The following SLC49A3 variants were observed in gnomAD, a reference collection of about 807,000 sequenced individuals.
The protein encoded by SLC49A3 is solute carrier family 49 member 3.
Under a neutral mutation model 43.8 loss-of-function variants are expected in SLC49A3, and 50 were observed. The observed-to-expected ratio is 1.14, with a 90% CI of 0.91 to 1.45. The LOEUF is 1.45. Among genes scored for constraint, SLC49A3 ranks in the 40% most tolerant of loss-of-function variants. The probability of loss-of-function intolerance (pLI) is 0.00; values close to 1 mark genes in which losing one functional copy is unlikely to be tolerated. For synonymous variants in SLC49A3, 413 were observed against 352.0 expected (o/e 1.17, Z -1.94); for missense variants, 906 against 774.1 (o/e 1.17, Z -2.02).
intron 6 of SLC49A3, among the ~76,000 whole-genome samples, chr4:684,242 C>T (rs1385014905): frequency 3.3e-5 from 5 of 152,164 alleles, no homozygotes; most frequent in Non-Finnish European, 7.4e-5. Flanking sequence ...ATCCACAGGG[C>T]ACCGTCAGTC....
downstream of SLC49A3, chr4:680,538 G>A (rs571127151): frequency 2.2e-5 from 36 of 1,613,564 alleles, no homozygotes; most frequent in South Asian, 3.1e-4. Flanking sequence ...CATTCTTAAC[G>A]CCTTCAAGAT....
rs1577358049 is a variant in SLC49A3 at position 684,477 on chromosome 4, G to A, written c.840+6C>T. The A allele has an allele frequency of 1.2e-6, 2 of 1,612,650 alleles. No homozygotes were observed. Among genetic ancestry groups the A allele is most frequent in the Non-Finnish European group, 1.7e-6 (2 of 1,179,802 alleles). ...GCAGGGTCCCCAGGGGTGGGGCCAG[G>A]CTCACACTGGAGTGGCCGCTTGCAC... On this transcript the variant is annotated splice_donor_region_variant and intron_variant, in intron 6 of 9. Transcript: ENST00000322224.
chr4:677,935 G>A (rs1475722691), downstream of SLC49A3: 7 of 1,607,704 alleles, frequency 4.4e-6, no homozygotes, highest in African/African-American at 9.4e-5. Context: ...GTGGCAGCCG[G>A]AGTCTGAACT....
At chr4:680,562 G>A (rs756236530), downstream of SLC49A3, 13 of 1,613,240 alleles carry the variant, frequency 8.1e-6, no homozygotes, top group East Asian at 2.2e-5. Flanking sequence ...GGACCCGGAC[G>A]GGAAAGGGAA....
rs555192485 is a variant in SLC49A3, at chr4:681,901, G to T, written c.*57C>A. ...TTCGCCCCCGCCCGCAGGTGGACCA[G>T]ATGTTCCAGTTCGCCTCCATCGATG... On this transcript the variant is annotated 3_prime_UTR_variant, in exon 10 of 10. Coordinates refer to ENST00000322224, the MANE Select transcript of SLC49A3 (RefSeq NM_032219.4). 5.3e-6 allele frequency: 7 copies of T among 1,316,930 alleles called. 1 individual carries two copies. Among genetic ancestry groups the T allele is most frequent in the Non-Finnish European group, 6.8e-6 (7 of 1,023,328 alleles). The allele number at this position is 1,316,930 out of a possible 1,614,324, so 81.6% of individuals were successfully genotyped here. A position where few individuals can be genotyped will look rare whatever the true frequency, so the allele number is the denominator to read the frequency against.
In SLC49A3 at chr4:685,762, G is replaced by T; in HGVS notation, c.585+73C>A. 1 of 1,499,712 alleles carries T rather than the reference G, an allele frequency of 6.7e-7. No homozygotes were observed. The highest frequency in any genetic ancestry group is 9.3e-7 in the Non-Finnish European group (1 of 1,080,352). The allele number at this position is 1,499,712 out of a possible 1,614,324, so 92.9% of individuals were successfully genotyped here. On this transcript the variant is annotated intron_variant, in intron 4 of 9. Transcript: ENST00000322224. This position sits in a 1 kb window ranked among gnomAD's most constrained non-coding sequence, Gnocchi z 4.3. The stretch of plus-strand genomic sequence containing the variant: ...CGGGCACAGGAACACGGACACACTT[G>T]GGATCAGGAACACACAGACGTGCAT...
downstream of SLC49A3, chr4:679,307 ACT>A (rs1314681637): frequency 2.4e-5 from 9 of 377,972 alleles, no homozygotes; most frequent in African/African-American, 1.4e-4. Context: ...GGAGGGGCTG[ACT>A]CTCTGGTAGG....
At chr4:681,219 G>C, downstream of SLC49A3, 1 of 1,512,160 alleles carries the variant, frequency 6.6e-7, no homozygotes, top group Non-Finnish European at 9.0e-7. Flanking sequence ...GGGGGACGCG[G>C]AGCCCGAGGA....
chr4:680,720 G>A (rs2109353890), downstream of SLC49A3: 6 of 923,528 alleles, frequency 6.5e-6, no homozygotes, highest in South Asian at 9.5e-5. Context: ...GGGCCATGAG[G>A]AGCGAACCCA....
chr4:683,579 A>T (rs757028853), intron 7 of SLC49A3, 30 bp downstream of exon 7: 7 of 1,394,992 alleles, frequency 5.0e-6, no homozygotes, highest in Non-Finnish European at 6.9e-6. Flanking sequence ...CCACCCCCAC[A>T]GGGCAGTCTT....
At chr4:678,627 A>G (rs1473610592), downstream of SLC49A3, 20 of 1,584,030 alleles carry the variant, frequency 1.3e-5, no homozygotes, top group Non-Finnish European at 1.7e-5. Flanking sequence ...CAGCCAGCCC[A>G]GGACCCTCAG....
chr4:678,151 GTGTGCTCTGCCTGCATATGTGTGTGCA>G, downstream of SLC49A3: 1 of 1,547,846 alleles, frequency 6.5e-7, no homozygotes, highest in Non-Finnish European at 8.7e-7. Flanking sequence ...AGGTGTGGGC[GTGTGCTCTGCCTGCATATGTGTGTGCA>G]TGAGCGTGTG....
rs1159478378 is a variant in SLC49A3 at position 685,111 on chromosome 4, A to G, written c.586-255T>C. 3.7e-6 allele frequency: 2 copies of G among 542,670 alleles called. No individual in the cohort carries two copies. Among genetic ancestry groups the G allele is most frequent in the Non-Finnish European group, 6.4e-6 (2 of 310,150 alleles). The allele number at this position is 542,670 out of a possible 1,614,324, so 33.6% of individuals were successfully genotyped here. A position where few individuals can be genotyped will look rare whatever the true frequency, so the allele number is the denominator to read the frequency against. The stretch of plus-strand genomic sequence containing the variant: ...TGGCTGATGTTAGCCCAGCACCCCC[A>G]GGCTCCAGACTTACATCTCACTGCC... On this transcript the variant is annotated intron_variant, in intron 4 of 9. Transcript: ENST00000322224. The surrounding 1 kb of genome is among the most constrained non-coding windows in gnomAD (Gnocchi z 4.3).
chr4:678,371 G>C (rs1319142674), downstream of SLC49A3: 26 of 1,411,554 alleles, frequency 1.8e-5, no homozygotes, highest in Non-Finnish European at 2.3e-5. Flanking sequence ...CAGAGGCCAA[G>C]CTGGCTCCTG....
upstream of SLC49A3, among the ~76,000 whole-genome samples, chr4:690,936 A>G (rs938663256): frequency 4.6e-5 from 7 of 152,264 alleles, no homozygotes; most frequent in East Asian, 1.3e-3. Flanking sequence ...CTCCAAGGAA[A>G]ATTAAATACT....
downstream of SLC49A3, chr4:680,979 G>A (rs903840268): frequency 6.7e-5 from 79 of 1,187,156 alleles, no homozygotes; most frequent in Admixed American, 1.0e-4. Context: ...CAGCGGGAAG[G>A]GCGGGAGTGC....
Position 685,347 on chromosome 4 carries a change from G to T in SLC49A3, c.585+488C>A, listed in dbSNP as rs1482120118. On this transcript the variant is annotated intron_variant, in intron 4 of 9. Coordinates refer to ENST00000322224, the MANE Select transcript of SLC49A3 (RefSeq NM_032219.4). The surrounding 1 kb of genome is among the most constrained non-coding windows in gnomAD (Gnocchi z 4.3). The stretch of plus-strand genomic sequence containing the variant: ...CATCACACAATACACATGGGCACAG[G>T]AACAGAGACACGCACCGCACACACC... 6.6e-6 allele frequency among the ~76,000 whole-genome samples: 1 copy of T among 152,034 alleles called. No homozygotes were observed. Among genetic ancestry groups the T allele is most frequent in the African/African-American group, 2.4e-5 (1 of 41,396 alleles).
chr4:679,967 G>A, downstream of SLC49A3: 2 of 1,613,690 alleles, frequency 1.2e-6, no homozygotes, highest in South Asian at 2.2e-5. Context: ...AGAGGCCTCG[G>A]GGCCCATCAA....
chr4:680,361 A>G (rs775003061), downstream of SLC49A3: 12 of 855,914 alleles, frequency 1.4e-5, no homozygotes, highest in Non-Finnish European at 1.5e-5. Flanking sequence ...TCAGGAAAGG[A>G]GAAGGCCTTC....
Sources: gnomAD v4.1 joint callset for allele counts (sites outside exome capture counted in the v4.1 genomes callset) on GRCh38, gnomAD v4.1.1 for gene constraint, Gnocchi (gnomAD v3.1) non-coding constraint, MANE v1.5 for transcripts, NCBI Gene and HGNC (gene_info 2026-07-23, HGNC 2026-07-21) for gene names.